The following CRIM1 variants were observed in gnomAD, a reference collection of about 807,000 sequenced individuals.
CRIM1 encodes cysteine rich transmembrane BMP regulator 1.
In CRIM1, 32 loss-of-function variants were observed where a neutral mutation model predicts 116.4. The observed-to-expected ratio is 0.27, with a 90% confidence interval of 0.21 to 0.37. The LOEUF (loss-of-function observed/expected upper bound fraction) is 0.37. Ranked by LOEUF, CRIM1 falls within the 10% of genes least tolerant of loss-of-function variation. The pLI is 1.00. For synonymous variants in CRIM1, 590 were observed against 509.2 expected (o/e 1.16, Z -2.13); for missense variants, 1,331 against 1,354.8 (o/e 0.98, Z 0.28).
At chr2:36,470,278 A>G (rs564661506) in intron 5 of CRIM1, among the ~76,000 whole-genome samples, 1 of 152,332 alleles carries the variant, frequency 6.6e-6, no homozygotes, top group East Asian at 1.9e-4. Flanking sequence ...GACAAGCTGC[A>G]TGTCGAAGCT....
intron 8 of CRIM1, among the ~76,000 whole-genome samples, chr2:36,507,869 G>A (rs905450757): frequency 6.6e-5 from 10 of 152,176 alleles, no homozygotes; most frequent in Admixed American, 5.9e-4. Flanking sequence ...AAGGTGCTCA[G>A]GCTCCAAAAT....
intron 4 of CRIM1, among the ~76,000 whole-genome samples, chr2:36,448,525 A>G (rs977867376): frequency 2.6e-5 from 4 of 152,242 alleles, no homozygotes; most frequent in African/African-American, 4.8e-5. Context: ...ACAGGCTTAC[A>G]CGGTAGACAT....
intron 5 of CRIM1, among the ~76,000 whole-genome samples, chr2:36,468,997 T>G (rs1225784555): frequency 2.0e-5 from 3 of 152,236 alleles, no homozygotes; most frequent in African/African-American, 7.2e-5. Context: ...TAGTCTATAG[T>G]ATTGTTATTG....
At chr2:36,485,619 C>T (rs2125058770) in intron 7 of CRIM1, among the ~76,000 whole-genome samples, 1 of 152,282 alleles carries the variant, frequency 6.6e-6, no homozygotes, top group Middle Eastern at 3.4e-3. Flanking sequence ...CATAATGCTT[C>T]CTCACTGAAC....
chr2:36,442,783 C>A (rs759368050), intron 4 of CRIM1, 48 bp downstream of exon 4: 3 of 1,609,222 alleles, frequency 1.9e-6, no homozygotes, highest in Non-Finnish European at 1.7e-6. Context: ...TTGTTAGCAT[C>A]ATCTAAGGTA....
chr2:36,480,829 G>C (rs57770697), intron 7 of CRIM1, among the ~76,000 whole-genome samples: 18 of 152,258 alleles, frequency 1.2e-4, no homozygotes, highest in African/African-American at 3.6e-4. Flanking sequence ...CAGTTTTGTG[G>C]AAGTCACCCA....
intron 4 of CRIM1, among the ~76,000 whole-genome samples, chr2:36,452,116 GTT>G (rs35082131): frequency 1.4e-5 from 2 of 144,032 alleles, no homozygotes; most frequent in East Asian, 2.0e-4. Context: ...AACAGTTTGG[GTT>G]TTTTTTTTTT....
intron 10 of CRIM1, 181 bp from the exon 11 acceptor site, chr2:36,513,375 C>T: frequency 3.5e-6 from 2 of 567,286 alleles, no homozygotes; most frequent in Non-Finnish European, 3.1e-6. Flanking sequence ...TCTCTCTTTT[C>T]TTTTTTCAAG....
At chr2:36,440,373 C>T (rs1336418780) in intron 2 of CRIM1, among the ~76,000 whole-genome samples, 1 of 152,136 alleles carries the variant, frequency 6.6e-6, no homozygotes, top group Non-Finnish European at 1.5e-5. Context: ...TCCTGAACTC[C>T]CCATCTCCCA....
intron 4 of CRIM1, among the ~76,000 whole-genome samples, chr2:36,444,988 A>T (rs752846286): frequency 6.6e-6 from 1 of 152,006 alleles, no homozygotes; most frequent in African/African-American, 2.4e-5. Context: ...TTTTCATAAC[A>T]CATTGAACAT....
intron 5 of CRIM1, among the ~76,000 whole-genome samples, chr2:36,476,242 C>T (rs776178593): frequency 3.3e-5 from 5 of 151,988 alleles, no homozygotes; most frequent in Non-Finnish European, 7.4e-5. Flanking sequence ...ACTGTTTTGG[C>T]TTCTGTCGTT....
At chr2:36,415,348 G>C (rs1285019587) in intron 2 of CRIM1, among the ~76,000 whole-genome samples, 2 of 152,178 alleles carry the variant, frequency 1.3e-5, no homozygotes, top group Non-Finnish European at 2.9e-5. Flanking sequence ...AGTCATTAGA[G>C]TGTTTCACTA....
At chr2:36,502,414 TCA>T (rs1681063790) in intron 8 of CRIM1, among the ~76,000 whole-genome samples, 1 of 152,220 alleles carries the variant, frequency 6.6e-6, no homozygotes, top group Non-Finnish European at 1.5e-5. Flanking sequence ...CACCTCTGTT[TCA>T]TTCACACTTA....
At chr2:36,428,283 A>G (rs933178346) in intron 2 of CRIM1, among the ~76,000 whole-genome samples, 7 of 152,210 alleles carry the variant, frequency 4.6e-5, no homozygotes, top group African/African-American at 1.7e-4. Flanking sequence ...TTTCTAAGTC[A>G]CTGTTTTCTT....
intron 13 of CRIM1, among the ~76,000 whole-genome samples, chr2:36,527,539 GC>G (rs1390315217): frequency 7.6e-6 from 1 of 132,334 alleles, no homozygotes; most frequent in Non-Finnish European, 1.7e-5. Flanking sequence ...TCTTCAACTC[GC>G]AAATGATTAA....
At chr2:36,528,455 A>G (rs1019394021) in intron 13 of CRIM1, among the ~76,000 whole-genome samples, 4 of 152,236 alleles carry the variant, frequency 2.6e-5, no homozygotes, top group Non-Finnish European at 5.9e-5. Context: ...ACCTCTAGAC[A>G]TTATCAGAAG....
In CRIM1 at chr2:36,550,211, C is replaced by T. The variant is rs1198076152; in HGVS notation, c.*1510C>T. The T allele has an allele frequency of 6.7e-6, 1 of 149,712 alleles. No homozygotes were observed. Among genetic ancestry groups the T allele is most frequent in the East Asian group, 2.0e-4 (1 of 5,110 alleles). 9.3% of individuals were successfully genotyped at this position (149,712 alleles called of 1,614,324 possible). ...CAGAGACATTGATGGCAGTTCTTAT[C>T]TGCATCACTAATCAGCTCCTGGATT... On this transcript the variant is annotated 3_prime_UTR_variant, in exon 17 of 17. Coordinates refer to ENST00000280527, the MANE Select transcript of CRIM1 (RefSeq NM_016441.3).
intron 12 of CRIM1, 151 bp downstream of exon 12, chr2:36,517,693 G>GC (rs753862476): frequency 1.5e-6 from 1 of 673,402 alleles, no homozygotes; most frequent in Non-Finnish European, 2.5e-6. Context: ...CCTGCTTCCT[G>GC]CATGTATTCT....
At chr2:36,536,400 G>A (rs947555310) in intron 13 of CRIM1, among the ~76,000 whole-genome samples, 1 of 152,182 alleles carries the variant, frequency 6.6e-6, no homozygotes, top group South Asian at 2.1e-4. Context: ...AGTAGTGAGT[G>A]GCGCTGCTTG....
Sources: allele counts gnomAD v4.1 joint callset (sites outside exome capture counted in the v4.1 genomes callset), GRCh38; gene constraint gnomAD v4.1.1; transcripts MANE v1.5; gene names NCBI Gene and HGNC (gene_info 2026-07-23, HGNC 2026-07-21).